The following SCN3A variants were observed in gnomAD, a reference collection of about 807,000 sequenced individuals.
SCN3A encodes sodium voltage-gated channel alpha subunit 3.
Under a neutral mutation model 187.6 loss-of-function variants are expected in SCN3A, and 60 were observed. The observed-to-expected ratio is 0.32, with a 90% CI of 0.26 to 0.40. The LOEUF (loss-of-function observed/expected upper bound fraction) is 0.40. SCN3A is among the 10% of genes least tolerant of loss of function. SCN3A has a pLI of 1.00. For synonymous variants in SCN3A, 788 were observed against 829.2 expected (o/e 0.95, Z 0.85); for missense variants, 1,601 against 2,428.2 (o/e 0.66, Z 7.16).
intron 19 of SCN3A, among the ~76,000 whole-genome samples, chr2:165,115,072 G>A (rs1054022895): frequency 6.6e-6 from 1 of 151,674 alleles, no homozygotes; most frequent in African/African-American, 2.4e-5. Context: ...TATTTATTTT[G>A]AGACAGGGTC....
intron 3 of SCN3A, 43 bp from the exon 4 acceptor site, chr2:165,170,591 G>T: frequency 1.7e-6 from 2 of 1,188,796 alleles, no homozygotes; most frequent in Non-Finnish European, 2.5e-6. Context: ...TTAGACATGG[G>T]CTTATTTAAA....
intron 9 of SCN3A, among the ~76,000 whole-genome samples, chr2:165,156,192 A>C (rs1029383554): frequency 1.3e-5 from 2 of 152,142 alleles, no homozygotes; most frequent in Non-Finnish European, 2.9e-5. Flanking sequence ...TCTACTCTTT[A>C]CAAAGTGGCA....
rs1259141574 is a variant in SCN3A, at chr2:165,190,603, T to A, written c.-247-3856A>T. Among the ~76,000 whole-genome samples, 5 of 117,938 alleles carry A rather than the reference T, an allele frequency of 4.2e-5. No homozygotes were observed. In the East Asian group the frequency reaches 8.6e-4, roughly 20 times the overall value. The allele number at this position is 117,938 out of a possible 152,430, so 77.4% of individuals were successfully genotyped here. On this transcript the variant is annotated intron_variant, in intron 1 of 27. Coordinates refer to ENST00000283254, the MANE Select transcript of SCN3A (RefSeq NM_006922.4). ...ATAAAACTTTATATATATATAACTTTATATATATATATATAAAACTTTGCA... is the reference window on the plus strand; with the variant it reads ...ATAAAACTTTATATATATATAACTTAATATATATATATATAAAACTTTGCA...
chr2:165,155,933 A>C, intron 9 of SCN3A, 30 bp from the exon 10 acceptor site: 1 of 1,613,818 alleles, frequency 6.2e-7, no homozygotes, highest in Non-Finnish European at 8.5e-7. Context: ...AGGTAGGGTC[A>C]GTTTAGAAAT....
chr2:165,094,841 TG>T (rs775742859), intron 25 of SCN3A, among the ~76,000 whole-genome samples: 4 of 152,196 alleles, frequency 2.6e-5, no homozygotes, highest in East Asian at 1.9e-4. Context: ...CTAGACAATG[TG>T]CTGGGTGTCA....
intron 1 of SCN3A, among the ~76,000 whole-genome samples, chr2:165,200,146 A>C (rs914520548): frequency 6.6e-6 from 1 of 152,130 alleles, no homozygotes; most frequent in Non-Finnish European, 1.5e-5. Flanking sequence ...AAGCAGTTAG[A>C]ATTAAAATTA....
intron 15 of SCN3A, among the ~76,000 whole-genome samples, chr2:165,132,828 G>A (rs1386582964): frequency 1.6e-4 from 24 of 152,130 alleles, no homozygotes; most frequent in African/African-American, 2.9e-4. Context: ...AGATACTACC[G>A]TCAGAGTGAA....
intron 18 of SCN3A, among the ~76,000 whole-genome samples, chr2:165,119,307 A>G (rs1350166587): frequency 6.6e-6 from 1 of 152,242 alleles, no homozygotes; most frequent in Non-Finnish European, 1.5e-5. Context: ...GTATGAAGTT[A>G]TGAAAATATT....
chr2:165,167,550 C>T (rs1689847608), intron 5 of SCN3A, among the ~76,000 whole-genome samples: 1 of 152,064 alleles, frequency 6.6e-6, no homozygotes, highest in Non-Finnish European at 1.5e-5. Flanking sequence ...GCATTTTTTA[C>T]TTAACCAGTC....
intron 4 of SCN3A, among the ~76,000 whole-genome samples, chr2:165,170,223 G>C (rs183523853): frequency 4.9e-4 from 74 of 151,796 alleles, no homozygotes; most frequent in African/African-American, 1.5e-3. Context: ...TATCATGGTT[G>C]GTTACATATT....
At chr2:165,101,917 ATGACT>A (rs1685624120) in intron 21 of SCN3A, among the ~76,000 whole-genome samples, 1 of 152,214 alleles carries the variant, frequency 6.6e-6, no homozygotes, top group African/African-American at 2.4e-5. Context: ...AGAATAATAC[ATGACT>A]TGACTGCTAA....
At chr2:165,134,280 T>C (rs902811810) in intron 15 of SCN3A, among the ~76,000 whole-genome samples, 3 of 152,226 alleles carry the variant, frequency 2.0e-5, no homozygotes, top group African/African-American at 7.2e-5. Context: ...AATTATGAAA[T>C]TACTCTTGCA....
In SCN3A at chr2:165,163,604, A is replaced by T. The variant is rs1224145524; in HGVS notation, c.694+14T>A. On this transcript the variant is annotated intron_variant, in intron 7 of 27. Coordinates refer to ENST00000283254, the MANE Select transcript of SCN3A (RefSeq NM_006922.4). ...ATAATTAAAGTCAACCTCGGTGTTT[A>T]ACCTAGCTCTCACCTGGAATGACTG... 1.9e-6 allele frequency: 3 copies of T among 1,613,770 alleles called. No individual in the cohort carries two copies. The highest frequency in any genetic ancestry group is 2.5e-6 in the Non-Finnish European group (3 of 1,179,770).
intron 1 of SCN3A, among the ~76,000 whole-genome samples, chr2:165,196,764 G>A (rs114691877): frequency 6.6e-5 from 10 of 152,122 alleles, no homozygotes; most frequent in East Asian, 1.9e-4. Context: ...AAATATGTTC[G>A]TTTACAGAAT....
At chr2:165,157,598 C>T (rs1164662376) in intron 9 of SCN3A, among the ~76,000 whole-genome samples, 1 of 152,136 alleles carries the variant, frequency 6.6e-6, no homozygotes, top group African/African-American at 2.4e-5. Context: ...AAATTTACTC[C>T]CTTTTCTTCC....
intron 27 of SCN3A, among the ~76,000 whole-genome samples, chr2:165,091,619 T>C (rs1375863796): frequency 6.6e-6 from 1 of 152,146 alleles, no homozygotes; most frequent in Non-Finnish European, 1.5e-5. Context: ...TTTATATGAA[T>C]TGTTATCCCT....
intron 23 of SCN3A, among the ~76,000 whole-genome samples, 182 bp from the exon 24 acceptor site, chr2:165,096,702 T>A (rs1395040248): frequency 6.6e-6 from 1 of 152,180 alleles, no homozygotes; most frequent in Non-Finnish European, 1.5e-5. Flanking sequence ...TGGAACTTGT[T>A]TCCTTTTTTT....
intron 27 of SCN3A, chr2:165,091,946 T>C (rs1331095026): frequency 2.3e-6 from 1 of 426,502 alleles, no homozygotes; most frequent in African/African-American, 2.0e-5. Flanking sequence ...ATTACAATGA[T>C]TTGTTTTTTA....
chr2:165,198,638 A>G (rs1365119017), intron 1 of SCN3A, among the ~76,000 whole-genome samples: 1 of 152,034 alleles, frequency 6.6e-6, no homozygotes, highest in Non-Finnish European at 1.5e-5. Context: ...TCCATTTTAA[A>G]AAGGGCATGC....
Sources: gnomAD v4.1 joint callset for allele counts (sites outside exome capture counted in the v4.1 genomes callset) on GRCh38, gnomAD v4.1.1 for gene constraint, MANE v1.5 for transcripts, NCBI Gene and HGNC (gene_info 2026-07-23, HGNC 2026-07-21) for gene names.